The following ASPH variants were observed in gnomAD, a reference collection of about 807,000 sequenced individuals.
ASPH encodes the protein aspartyl/asparaginyl beta-hydroxylase.
Under a neutral mutation model 118.4 loss-of-function variants are expected in ASPH, and 100 were observed. The ratio of observed to expected loss-of-function variants is 0.84; its 90% CI spans 0.72 to 1.00. The LOEUF (loss-of-function observed/expected upper bound fraction) is 1.00. Among genes scored for constraint, ASPH ranks in the 50% least tolerant of loss-of-function variants. The probability of loss-of-function intolerance (pLI) is 0.00; values close to 1 mark genes in which losing one functional copy is unlikely to be tolerated. For synonymous variants in ASPH, 315 were observed against 325.6 expected, an observed-to-expected ratio of 0.97 and a Z score of 0.35; for missense variants, 920 against 919.5, an observed-to-expected ratio of 1.00 and a Z score of -0.01.
At chr8:61,616,635 C>A (rs944464212) in intron 14 of ASPH, among the ~76,000 whole-genome samples, 12 of 152,222 alleles carry the variant, frequency 7.9e-5, no homozygotes, top group African/African-American at 2.9e-4. Context: ...GTATCTTACA[C>A]ACTCTAGGCT....
At chr8:61,662,690 G>C (rs1817536673) in intron 3 of ASPH, 1 of 284,444 alleles carries the variant, frequency 3.5e-6, no homozygotes, top group African/African-American at 2.3e-5. Context: ...AAGGGGAAAA[G>C]AAGAGAGATG....
chr8:61,538,931 G>A (rs1379054201), intron 21 of ASPH, among the ~76,000 whole-genome samples: 1 of 152,224 alleles, frequency 6.6e-6, no homozygotes, highest in African/African-American at 2.4e-5. Flanking sequence ...TTAGACAGCA[G>A]GAGAAACAAA....
chr8:61,637,955 A>G lies in ASPH; in HGVS notation c.881T>C (p.Ile294Thr), dbSNP rs1858620422. 1 of 1,608,920 alleles carries G rather than the reference A, an allele frequency of 6.2e-7. No homozygotes were observed. Among genetic ancestry groups the G allele is most frequent in the Non-Finnish European group, 8.5e-7 (1 of 1,177,968 alleles). The stretch of plus-strand genomic sequence containing the variant: ...CCATAAATTTATCTTACCTTCTACA[A>G]TTACCTGTGAATCTTCTACAGGATT... ...EDNPVEDSQVIVEEVSIFPVE... is the reference protein window; with the variant it reads ...EDNPVEDSQVTVEEVSIFPVE... Residue 294 changes from isoleucine to threonine, a missense_variant, in exon 12 of 25, where the codon ATT becomes ACT. Transcript: ENST00000379454.
intron 1 of ASPH, among the ~76,000 whole-genome samples, chr8:61,686,796 G>C (rs769806346): frequency 6.6e-6 from 1 of 152,002 alleles, no homozygotes; most frequent in South Asian, 2.1e-4. Flanking sequence ...CAGTAAAACT[G>C]GGTTCTTGTC....
chr8:61,672,523 TAA>T (rs111934417), intron 3 of ASPH, among the ~76,000 whole-genome samples: 1 of 147,532 alleles, frequency 6.8e-6, no homozygotes, highest in Non-Finnish European at 1.5e-5. Flanking sequence ...CAGTTTTTTT[TAA>T]AAAAAAAAAA....
At chr8:61,625,059 T>C (rs2150593195) in intron 13 of ASPH, 1 of 985,840 alleles carries the variant, frequency 1.0e-6, no homozygotes. Context: ...CTTATCTTAA[T>C]GTTAACAAAA....
chr8:61,701,214 G>A (rs886610817), intron 1 of ASPH, among the ~76,000 whole-genome samples: 3 of 152,170 alleles, frequency 2.0e-5, no homozygotes, highest in African/African-American at 4.8e-5. Flanking sequence ...TTGAAAATAC[G>A]AATAAGCATA....
In ASPH at chr8:61,646,837, C is replaced by T. The variant is rs913971218; in HGVS notation, c.532G>A (p.Glu178Lys). The change falls in exon 6 of 25, where the codon GAA becomes AAA. Residue 178 changes from glutamate to lysine, a missense_variant. By Grantham distance (56) the Glu-to-Lys change is moderately conservative. Coordinates refer to ENST00000379454, the MANE Select transcript of ASPH (RefSeq NM_004318.4). ...AACTCATCATCCTCTTGTTGTGGTT[C>T]TCCTGTGGGTCCATCTTCTTGTTGC... Reference protein sequence around the residue: ...DLQQEDGPTGEPQQEDDEFLM... With the variant: ...DLQQEDGPTGKPQQEDDEFLM... The T allele has an allele frequency of 6.2e-7, 1 of 1,613,930 alleles. No individual in the cohort carries two copies. Among genetic ancestry groups the T allele is most frequent in the Non-Finnish European group, 8.5e-7 (1 of 1,179,890 alleles).
chr8:61,507,463 A>AT (rs1306729341), intron 24 of ASPH, among the ~76,000 whole-genome samples: 2 of 152,318 alleles, frequency 1.3e-5, no homozygotes, highest in African/African-American at 2.4e-5. Context: ...CATAATGTAG[A>AT]TTTTTTAATG....
At chr8:61,588,900 T>C (rs1433883238) in intron 14 of ASPH, among the ~76,000 whole-genome samples, 1 of 152,116 alleles carries the variant, frequency 6.6e-6, no homozygotes, top group Non-Finnish European at 1.5e-5. Flanking sequence ...ATGAAAACAA[T>C]CTGTGGTATA....
intron 14 of ASPH, among the ~76,000 whole-genome samples, chr8:61,604,194 T>C (rs980282075): frequency 6.6e-6 from 1 of 152,172 alleles, no homozygotes; most frequent in African/African-American, 2.4e-5. Context: ...TTCAAGAACT[T>C]TCTCTTGTGG....
Position 61,556,001 on chromosome 8 carries a change from C to A in ASPH, c.1459G>T (p.Asp487Tyr). 1 of 1,613,852 alleles carries A rather than the reference C, an allele frequency of 6.2e-7. No individual in the cohort carries two copies. Among genetic ancestry groups the A allele is most frequent in the Non-Finnish European group, 8.5e-7 (1 of 1,179,924 alleles). Reference sequence around the variant, plus strand: ...CCATAATGGACTTTAGCAAAGCCATCATTAGGTGTCACACTCAGCACCTAA... The same window carrying A: ...CCATAATGGACTTTAGCAAAGCCATAATTAGGTGTCACACTCAGCACCTAA... ...YEEVLSVTPNDGFAKVHYGFI... is the reference protein window; with the variant it reads ...YEEVLSVTPNYGFAKVHYGFI... The change falls in exon 19 of 25, where the codon GAT becomes TAT. Residue 487 changes from aspartate to tyrosine, a missense_variant. Physicochemically the swap from Asp to Tyr is radical, Grantham distance 160. Coordinates refer to ENST00000379454, the MANE Select transcript of ASPH (RefSeq NM_004318.4).
At chr8:61,621,331 AAAAAG>A (rs55796159) in intron 13 of ASPH, among the ~76,000 whole-genome samples, 65,993 of 141,514 alleles carry the variant, frequency 0.47, 14,953 homozygotes, top group Middle Eastern at 0.5. Context: ...GCAAAAAAAA[AAAAAG>A]AAAAGAAAAG....
intron 22 of ASPH, among the ~76,000 whole-genome samples, chr8:61,520,008 A>G (rs760426139): frequency 2.0e-5 from 3 of 152,360 alleles, no homozygotes; most frequent in Non-Finnish European, 2.9e-5. Flanking sequence ...TAACTTAGAA[A>G]TGCATTTCTA....
At chr8:61,653,439 GA>G (rs1812102988) in intron 4 of ASPH, 128 bp downstream of exon 4, 2 of 842,572 alleles carry the variant, frequency 2.4e-6, no homozygotes, top group East Asian at 2.7e-5. Flanking sequence ...TTTCAGAAGA[GA>G]AAAAAAGTAG....
rs149186983 is a variant in ASPH at position 61,517,629 on chromosome 8, G to T, written c.2025C>A (p.His675Gln). ...TTGTGGGCCCTGTGTGCGGCCACAC[G>T]TGAGTCCCGGGGTGCATGATGGAAT... ...IKYSIMHPGT[H>Q]VWPHTGPTNC... The change falls in exon 24 of 25, where the codon CAC (histidine) becomes CAA (glutamine). Residue 675 changes from histidine to glutamine, a missense_variant. His to Gln is a conservative substitution (Grantham distance 24, BLOSUM62 0). Coordinates refer to ENST00000379454, the MANE Select transcript of ASPH (RefSeq NM_004318.4). The T allele has an allele frequency of 6.2e-7, 1 of 1,614,106 alleles. No individual in the cohort carries two copies. The highest frequency in any genetic ancestry group is 1.1e-5 in the South Asian group (1 of 91,090).
At chr8:61,579,025 A>G in intron 15 of ASPH, 1 of 1,610,958 alleles carries the variant, frequency 6.2e-7, no homozygotes, top group Non-Finnish European at 8.5e-7. Context: ...CAGTACGAGG[A>G]TATTGCCAAC....
At chr8:61,636,833 C>T (rs907041158) in intron 12 of ASPH, among the ~76,000 whole-genome samples, 2 of 152,062 alleles carry the variant, frequency 1.3e-5, no homozygotes, top group African/African-American at 4.8e-5. Context: ...ACATTAATAT[C>T]CCTCATAGAG....
chr8:61,503,083 C>T lies in ASPH; in HGVS notation c.*276G>A, dbSNP rs949831100. 48 of 292,200 alleles carry T rather than the reference C, an allele frequency of 1.6e-4. No homozygotes were observed. The highest frequency in any genetic ancestry group is 4.4e-5 in the Non-Finnish European group (7 of 159,782). The allele number at this position is 292,200 out of a possible 1,614,324, so 18.1% of individuals were successfully genotyped here. On this transcript the variant is annotated 3_prime_UTR_variant, in exon 25 of 25. Transcript: ENST00000379454. ...TTCTATGTGGAAAAAATATCTTTGG[C>T]TGGTAAGGTAGAAGCTATCAAATGT...
Sources: allele counts gnomAD v4.1 joint callset (sites outside exome capture counted in the v4.1 genomes callset), GRCh38; gene constraint gnomAD v4.1.1; transcripts MANE v1.5; gene names NCBI Gene and HGNC (gene_info 2026-07-23, HGNC 2026-07-21).